CDH12: variants seen among roughly 807,000 people sequenced by gnomAD.
CDH12 encodes the protein cadherin-12.
CDH12 carries 41 observed loss-of-function variants against 74.1 expected under a neutral mutation model. That is an observed-to-expected ratio of 0.55 (90% CI 0.43 to 0.72). The LOEUF (loss-of-function observed/expected upper bound fraction) is 0.72, where lower values mean the gene tolerates loss of function less well. CDH12 is among the 30% of genes least tolerant of loss of function. CDH12 has a pLI of 0.00. For missense variants in CDH12, 945 were observed against 977.2 expected, an observed-to-expected ratio of 0.97 and a Z score of 0.44; for synonymous variants, 399 against 355.0, an observed-to-expected ratio of 1.12 and a Z score of -1.39.
At position 22,579,443 on chromosome 5, in the gene CDH12, C is replaced by A. The variant is rs114214587; in HGVS notation, c.-522-74079G>T. Among the ~76,000 whole-genome samples the A allele has an allele frequency of 2.9e-3, 444 of 152,154 alleles. 4 individuals carry two copies. Among genetic ancestry groups the A allele is most frequent in the African/African-American group, 0.01 (424 of 41,512 alleles). Reference sequence around the variant, plus strand: ...GTGGTAACAGTGAATAGTTCCCTCACTAATGTGTATTATGATGAATTGGAA... The same window carrying A: ...GTGGTAACAGTGAATAGTTCCCTCAATAATGTGTATTATGATGAATTGGAA... On this transcript the variant is annotated intron_variant, in intron 1 of 14. Transcript: ENST00000382254.
chr5:22,335,613 C>A (rs1449275543), intron 3 of CDH12, among the ~76,000 whole-genome samples: 3 of 151,310 alleles, frequency 2.0e-5, no homozygotes, highest in Non-Finnish European at 4.4e-5. Flanking sequence ...AAAACAAAAA[C>A]AAGGGGGAGT....
intron 4 of CDH12, among the ~76,000 whole-genome samples, chr5:22,128,084 G>C (rs955979065): frequency 6.6e-6 from 1 of 152,086 alleles, no homozygotes. Context: ...GTGAGCCAAA[G>C]TTCATTATTG....
At chr5:22,432,040 TG>T (rs1744194913) in intron 2 of CDH12, among the ~76,000 whole-genome samples, 1 of 152,134 alleles carries the variant, frequency 6.6e-6, no homozygotes, top group Non-Finnish European at 1.5e-5. Flanking sequence ...TTCAAACTCA[TG>T]GTGAGTGAAT....
intron 1 of CDH12, among the ~76,000 whole-genome samples, chr5:22,565,352 C>T (rs997733002): frequency 5.3e-5 from 8 of 152,186 alleles, no homozygotes; most frequent in Non-Finnish European, 8.8e-5. Flanking sequence ...TACTAACTTA[C>T]ATTTCCACCA....
chr5:22,460,759 C>A (rs1310233768), intron 2 of CDH12, among the ~76,000 whole-genome samples: 1 of 117,664 alleles, frequency 8.5e-6, no homozygotes, highest in Admixed American at 1.2e-4. Context: ...TTCCTCTTGT[C>A]CCCCAGGATG....
rs567857875 is a variant in CDH12, at chr5:22,565,581, T to C, written c.-522-60217A>G. ...TGCTGCCCAACATATGCAACCTTTC[T>C]TTGCTTTGGAAAAGAAAGAGAAGTA... On this transcript the variant is annotated intron_variant, in intron 1 of 14. Coordinates refer to ENST00000382254, the MANE Select transcript of CDH12 (RefSeq NM_004061.5). Among the ~76,000 whole-genome samples, 3 of 152,294 alleles carry C rather than the reference T, an allele frequency of 2.0e-5. No individual in the cohort carries two copies. The East Asian group carries it at 5.8e-4, about 30-fold the overall frequency.
At chr5:21,993,057 G>A (rs1172974497) in intron 5 of CDH12, among the ~76,000 whole-genome samples, 2 of 152,038 alleles carry the variant, frequency 1.3e-5, no homozygotes, top group African/African-American at 4.8e-5. Flanking sequence ...GAACGATGAG[G>A]GGGACATCTG....
intron 9 of CDH12, among the ~76,000 whole-genome samples, chr5:21,809,326 A>T (rs1747613759): frequency 6.6e-6 from 1 of 152,110 alleles, no homozygotes; most frequent in South Asian, 2.1e-4. Context: ...TTCTAGACAT[A>T]GGTTTTTAGT....
chr5:22,692,076 G>A (rs1202607017), intron 1 of CDH12, among the ~76,000 whole-genome samples: 13 of 152,100 alleles, frequency 8.5e-5, no homozygotes, highest in Admixed American at 7.9e-4. Context: ...TCATGGGGTC[G>A]AATCTCTCAT....
intron 5 of CDH12, among the ~76,000 whole-genome samples, chr5:22,016,164 C>T (rs535839834): frequency 5.3e-5 from 8 of 152,002 alleles, no homozygotes; most frequent in South Asian, 4.2e-4. Flanking sequence ...CATTAGGAAA[C>T]GGAGAACATC....
At chr5:22,517,394 T>C (rs1012409782) in intron 1 of CDH12, among the ~76,000 whole-genome samples, 1 of 152,166 alleles carries the variant, frequency 6.6e-6, no homozygotes, top group African/African-American at 2.4e-5. Context: ...CTTTTATGTT[T>C]ATCACTCTGG....
At chr5:22,568,440 A>C (rs1025878217) in intron 1 of CDH12, among the ~76,000 whole-genome samples, 3 of 152,206 alleles carry the variant, frequency 2.0e-5, no homozygotes, top group Non-Finnish European at 4.4e-5. Context: ...CTTCAGCTAC[A>C]GTTACTTCAA....
At chr5:22,522,934 A>G (rs1301102822) in intron 1 of CDH12, among the ~76,000 whole-genome samples, 1 of 152,146 alleles carries the variant, frequency 6.6e-6, no homozygotes, top group Non-Finnish European at 1.5e-5. Context: ...ATTTCTTGAA[A>G]AAAGAGTCTA....
At chr5:21,859,199 T>C (rs1191565726) in intron 6 of CDH12, among the ~76,000 whole-genome samples, 1 of 151,902 alleles carries the variant, frequency 6.6e-6, no homozygotes, top group Admixed American at 6.6e-5. Context: ...AGAGGCTGGG[T>C]CATTCATAAA....
At chr5:21,830,220 A>G (rs1226780715) in intron 8 of CDH12, among the ~76,000 whole-genome samples, 2 of 149,636 alleles carry the variant, frequency 1.3e-5, no homozygotes, top group East Asian at 1.9e-4. Flanking sequence ...AAAAAAAAAA[A>G]AAAAAAAAAA....
chr5:22,669,711 G>C (rs936141941), intron 1 of CDH12, among the ~76,000 whole-genome samples: 4 of 152,162 alleles, frequency 2.6e-5, no homozygotes, highest in South Asian at 4.1e-4. Context: ...AAACTTTGCT[G>C]GTCCTTCATT....
At chr5:22,111,668 C>T (rs944691789) in intron 4 of CDH12, among the ~76,000 whole-genome samples, 5 of 152,108 alleles carry the variant, frequency 3.3e-5, no homozygotes, top group Admixed American at 1.3e-4. Flanking sequence ...AATTGTGCTA[C>T]CCCAAAAGTC....
At chr5:22,540,298 C>T (rs933513838) in intron 1 of CDH12, among the ~76,000 whole-genome samples, 2 of 151,832 alleles carry the variant, frequency 1.3e-5, no homozygotes, top group Non-Finnish European at 1.5e-5. Flanking sequence ...AAATGTATTT[C>T]AAGAGAAAAC....
intron 2 of CDH12, among the ~76,000 whole-genome samples, chr5:22,472,182 A>C (rs1745986598): frequency 6.6e-6 from 1 of 152,124 alleles, no homozygotes; most frequent in Non-Finnish European, 1.5e-5. Flanking sequence ...TAGTTTAAAA[A>C]ATTCTTATTA....
Sources: allele counts gnomAD v4.1 joint callset (sites outside exome capture counted in the v4.1 genomes callset), GRCh38; gene constraint gnomAD v4.1.1; transcripts MANE v1.5; gene names NCBI Gene and HGNC (gene_info 2026-07-23, HGNC 2026-07-21).